RBMXL1: variants seen among roughly 807,000 people sequenced by gnomAD.
The protein encoded by RBMXL1 is RBMX like 1.
RBMXL1 carries 18 observed loss-of-function variants against 29.0 expected under a neutral mutation model. The ratio of observed to expected loss-of-function variants is 0.62; its 90% CI spans 0.43 to 0.92. RBMXL1 has a LOEUF of 0.92. Among genes scored for constraint, RBMXL1 ranks in the 40% least tolerant of loss-of-function variants. RBMXL1 has a pLI of 0.00. For missense variants in RBMXL1, 403 were observed against 495.8 expected, an observed-to-expected ratio of 0.81 and a Z score of 1.78; for synonymous variants, 141 against 170.4, an observed-to-expected ratio of 0.83 and a Z score of 1.34.
intron 2 of RBMXL1, among the ~76,000 whole-genome samples, chr1:88,987,207 C>T (rs1677512047): frequency 6.6e-6 from 1 of 152,090 alleles, no homozygotes; most frequent in South Asian, 2.1e-4. Context: ...ATAAAAGTTC[C>T]ACAAATGAGG....
At chr1:88,984,203 G>GTTTTTTT in intron 2 of RBMXL1, 137 bp from the exon 3 acceptor site, 2 of 98,322 alleles carry the variant, frequency 2.0e-5, no homozygotes, top group Non-Finnish European at 4.4e-5. Flanking sequence ...TTTTTTTGTT[G>GTTTTTTT]CTTTTTTTTT....
In RBMXL1 at chr1:88,983,862, G is replaced by A; in HGVS notation, c.-36C>T. 6.2e-7 allele frequency: 1 copy of A among 1,609,026 alleles called. No homozygotes were observed. Among genetic ancestry groups the A allele is most frequent in the South Asian group, 1.1e-5 (1 of 90,990 alleles). ...GCCGGTGAGTCGGAGGGGTGACAGT[G>A]GGTTCAAGCTCCAACAAGCTCGCCG... On this transcript the variant is annotated 5_prime_UTR_variant, in exon 3 of 3. Coordinates refer to ENST00000652648, the MANE Select transcript of RBMXL1 (RefSeq NM_001162536.3).
In RBMXL1 at chr1:88,982,368, C is replaced by G. The variant is rs1167715488; in HGVS notation, c.*286G>C. 1.3e-6 allele frequency: 1 copy of G among 762,154 alleles called. No homozygotes were observed. The highest frequency in any genetic ancestry group is 1.8e-6 in the Non-Finnish European group (1 of 557,018). The allele number at this position is 762,154 out of a possible 1,614,324, so 47.2% of individuals were successfully genotyped here. A position where few individuals can be genotyped will look rare whatever the true frequency, so the allele number is the denominator to read the frequency against. ...TGGGAAAAACCAGATAGGAAGTGGTCTTTAGGGACACCTTTACTTGGAAAG... is the reference window on the plus strand; with the variant it reads ...TGGGAAAAACCAGATAGGAAGTGGTGTTTAGGGACACCTTTACTTGGAAAG... On this transcript the variant is annotated 3_prime_UTR_variant, in exon 3 of 3. Coordinates refer to ENST00000652648, the MANE Select transcript of RBMXL1 (RefSeq NM_001162536.3).
Position 88,982,154 on chromosome 1 carries a change from A to G in RBMXL1, c.*500T>C. The G allele has an allele frequency of 9.6e-6, 9 of 936,622 alleles. No homozygotes were observed. Among genetic ancestry groups the G allele is most frequent in the Non-Finnish European group, 1.1e-5 (9 of 784,238 alleles). The allele number at this position is 936,622 out of a possible 1,614,324, so 58.0% of individuals were successfully genotyped here. On this transcript the variant is annotated 3_prime_UTR_variant, in exon 3 of 3. Coordinates refer to ENST00000652648, the MANE Select transcript of RBMXL1 (RefSeq NM_001162536.3). ...TGAATAGCACTTTCCTTACATAGGC[A>G]TCTGATTTCAGGTTTTGCATACTGA...
At chr1:88,988,470 G>A in intron 1 of RBMXL1, 119 bp from the exon 2 acceptor site, 1 of 544,618 alleles carries the variant, frequency 1.8e-6, no homozygotes, top group Non-Finnish European at 3.2e-6. Flanking sequence ...AAACATTTTT[G>A]ATAAGTGAGT....
chr1:88,982,780 G>A lies in RBMXL1; in HGVS notation c.1047C>T (p.Pro349=). The A allele has an allele frequency of 1.2e-6, 2 of 1,613,928 alleles. No individual in the cohort carries two copies. The highest frequency in any genetic ancestry group is 1.3e-5 in the African/African-American group (1 of 75,012). ...DRVGRQERGL[P]PSVERGYPSS... is the part of the protein sequence containing the mutation. Reference sequence around the variant, plus strand: ...AAGGGTACCCCCTTTCTACAGAAGGGGGAAGCCCTCTTTCTTGTCTGCCAA... The same window carrying A: ...AAGGGTACCCCCTTTCTACAGAAGGAGGAAGCCCTCTTTCTTGTCTGCCAA... Residue 349 remains proline (P), a synonymous_variant, in exon 3 of 3, where the codon CCC becomes CCT. Transcript: ENST00000652648.
chr1:88,991,589 T>G (rs192137722), intron 1 of RBMXL1, among the ~76,000 whole-genome samples: 1 of 152,216 alleles, frequency 6.6e-6, no homozygotes. Flanking sequence ...AAGGATGCGC[T>G]TCAAAGCCAC....
Position 88,980,873 on chromosome 1 carries a change from A to G in RBMXL1, c.*1781T>C, listed in dbSNP as rs890064931. ...TAACAACCACATAAATTTGGTCATTACCCTTGTGGTCTGTGATTAGTAGTA... is the reference window on the plus strand; with the variant it reads ...TAACAACCACATAAATTTGGTCATTGCCCTTGTGGTCTGTGATTAGTAGTA... On this transcript the variant is annotated 3_prime_UTR_variant, in exon 3 of 3. Transcript: ENST00000652648. 6.6e-6 allele frequency: 1 copy of G among 152,216 alleles called. No individual in the cohort carries two copies. Among genetic ancestry groups the G allele is most frequent in the Admixed American group, 6.5e-5 (1 of 15,286 alleles). 9.4% of individuals were successfully genotyped at this position (152,216 alleles called of 1,614,324 possible).
At chr1:88,991,587 G>A (rs1338627063) in intron 1 of RBMXL1, among the ~76,000 whole-genome samples, 1 of 152,216 alleles carries the variant, frequency 6.6e-6, no homozygotes, top group Admixed American at 6.5e-5. Context: ...GGAAGGATGC[G>A]CTTCAAAGCC....
chr1:88,983,132 C>T lies in RBMXL1; in HGVS notation c.695G>A (p.Arg232Lys), dbSNP rs768831072. 2 of 1,612,408 alleles carry T rather than the reference C, an allele frequency of 1.2e-6. No homozygotes were observed. Among genetic ancestry groups the T allele is most frequent in the Non-Finnish European group, 1.7e-6 (2 of 1,179,994 alleles). The change falls in exon 3 of 3, where the codon AGA (arginine) becomes AAA (lysine). Residue 232 changes from arginine to lysine, a missense_variant. Transcript: ENST00000652648. ...ATCTCGTGGTGGTGGTGCATAATCT[C>T]TTGTATCACGAGAACTTGGGTAATC... ...SRDYPSSRDTRDYAPPPRDYT... is the reference protein window; with the variant it reads ...SRDYPSSRDTKDYAPPPRDYT...
In RBMXL1 at chr1:88,988,366, A is replaced by C. The variant is rs1677592669; in HGVS notation, c.-340-15T>G. ...CCAAAAACATGCTATTAAATAAAAG[A>C]AAAATTGAGAAGAGGAATAAATATA... On this transcript the variant is annotated splice_polypyrimidine_tract_variant and intron_variant, in intron 1 of 2. Transcript: ENST00000652648. 5 of 1,511,100 alleles carry C rather than the reference A, an allele frequency of 3.3e-6. No homozygotes were observed. The African/African-American group carries it at 5.5e-5, about 17-fold the overall frequency. The allele number at this position is 1,511,100 out of a possible 1,614,324, so 93.6% of individuals were successfully genotyped here.
intron 1 of RBMXL1, among the ~76,000 whole-genome samples, chr1:88,991,945 C>A (rs1677821747): frequency 6.6e-6 from 1 of 151,432 alleles, no homozygotes; most frequent in Non-Finnish European, 1.5e-5. Flanking sequence ...TGCTAAGCTT[C>A]ATTTATAAGG....
rs966089156 is a variant in RBMXL1 at position 88,987,691 on chromosome 1, A to G, written c.-241+561T>C. 2.0e-5 allele frequency among the ~76,000 whole-genome samples: 3 copies of G among 152,198 alleles called. No individual in the cohort carries two copies. In the South Asian group the frequency reaches 6.2e-4, roughly 32 times the overall value. ...AACTTTAGAATAAATCTTAGACCTT[A>G]GGTCATTACATCCCTACATACTTGG... On this transcript the variant is annotated intron_variant, in intron 2 of 2. Transcript: ENST00000652648.
At chr1:88,984,695 T>TA in intron 2 of RBMXL1, among the ~76,000 whole-genome samples, 1 of 152,330 alleles carries the variant, frequency 6.6e-6, no homozygotes, top group East Asian at 1.9e-4. Context: ...AATAGAAAAC[T>TA]ATGCACTGGC....
Position 88,982,617 on chromosome 1 carries a change from T to G in RBMXL1, c.*37A>C. The G allele has an allele frequency of 6.4e-7, 1 of 1,555,714 alleles. No individual in the cohort carries two copies. The highest frequency in any genetic ancestry group is 8.7e-7 in the Non-Finnish European group (1 of 1,154,400). The stretch of plus-strand genomic sequence containing the variant: ...TAGTTTCCACTCTTTTTTTTGTTTC[T>G]TTGAACTGGGATTTTGGTCCAAAGT... On this transcript the variant is annotated 3_prime_UTR_variant, in exon 3 of 3. Transcript: ENST00000652648.
chr1:88,983,363 G>C lies in RBMXL1; in HGVS notation c.464C>G (p.Pro155Arg). Residue 155 changes from proline (P) to arginine (R), a missense_variant, in exon 3 of 3, where the codon CCA becomes CGA. Coordinates refer to ENST00000652648, the MANE Select transcript of RBMXL1 (RefSeq NM_001162536.3). ...GPLPVKRGPP[P>R]RSGGPSPKRS... The stretch of plus-strand genomic sequence containing the variant: ...CTTAGGAGAAGGACCCCCACTTCTT[G>C]GTGGTGGTCCTCTTTTTACTGGGAG... 1 of 1,614,172 alleles carries C rather than the reference G, an allele frequency of 6.2e-7. No individual in the cohort carries two copies. Among genetic ancestry groups the C allele is most frequent in the Non-Finnish European group, 8.5e-7 (1 of 1,180,022 alleles).
At position 88,981,991 on chromosome 1, in the gene RBMXL1, T is replaced by C; in HGVS notation, c.*663A>G. ...GGTTTTGGCCAAACTTTTTATTTAGTATTCCGTAGTTGTTTAGCACACACT... is the reference window on the plus strand; with the variant it reads ...GGTTTTGGCCAAACTTTTTATTTAGCATTCCGTAGTTGTTTAGCACACACT... On this transcript the variant is annotated 3_prime_UTR_variant, in exon 3 of 3. Coordinates refer to ENST00000652648, the MANE Select transcript of RBMXL1 (RefSeq NM_001162536.3). The C allele has an allele frequency of 4.1e-6, 4 of 982,910 alleles. No individual in the cohort carries two copies. Among genetic ancestry groups the C allele is most frequent in the Non-Finnish European group, 4.8e-6 (4 of 827,284 alleles). The allele number at this position is 982,910 out of a possible 1,614,324, so 60.9% of individuals were successfully genotyped here. A position where few individuals can be genotyped will look rare whatever the true frequency, so the allele number is the denominator to read the frequency against.
intron 2 of RBMXL1, 151 bp downstream of exon 2, chr1:88,988,101 A>T: frequency 1.8e-6 from 1 of 560,228 alleles, no homozygotes; most frequent in East Asian, 3.1e-5. Context: ...GTGAATGTCA[A>T]TTCTAGTCAA....
At chr1:88,990,267 T>C (rs1434685185) in intron 1 of RBMXL1, among the ~76,000 whole-genome samples, 1 of 94,062 alleles carries the variant, frequency 1.1e-5, no homozygotes, top group African/African-American at 1.1e-4. Flanking sequence ...TCTCTCCCGG[T>C]TAAAAAACAT....
Sources: gnomAD v4.1 joint callset for allele counts (sites outside exome capture counted in the v4.1 genomes callset) on GRCh38, gnomAD v4.1.1 for gene constraint, MANE v1.5 for transcripts, NCBI Gene and HGNC (gene_info 2026-07-23, HGNC 2026-07-21) for gene names.